Variants in AGBL3 observed in about 807,000 individuals in gnomAD.
AGBL3 encodes cytosolic carboxypeptidase 3.
Under a neutral mutation model 94.5 loss-of-function variants are expected in AGBL3, and 68 were observed. The observed-to-expected ratio is 0.72, with a 90% CI of 0.59 to 0.88. The LOEUF is 0.88. AGBL3 is among the 40% of genes least tolerant of loss of function. The pLI is 0.00. For synonymous variants in AGBL3, 354 were observed against 370.7 expected (o/e 0.95, Z 0.52); for missense variants, 934 against 1,103.8 (o/e 0.85, Z 2.18).
chr7:134,991,038 A>G (rs1237121170), intron 3 of AGBL3, among the ~76,000 whole-genome samples: 2 of 152,072 alleles, frequency 1.3e-5, no homozygotes, highest in Non-Finnish European at 1.5e-5. Context: ...AGCCTTTGCT[A>G]TGCTTATTTG....
intron 16 of AGBL3, among the ~76,000 whole-genome samples, chr7:135,131,443 T>C (rs1020183309): frequency 1.5e-5 from 2 of 130,296 alleles, no homozygotes; most frequent in African/African-American, 5.6e-5. Context: ...TTAGAAGAAA[T>C]AAAGGAAACA....
intron 4 of AGBL3, among the ~76,000 whole-genome samples, chr7:134,999,046 A>G (rs1811372239): frequency 6.6e-6 from 1 of 152,106 alleles, no homozygotes; most frequent in Non-Finnish European, 1.5e-5. Context: ...AAAAAGTTTC[A>G]ATTACCTTTT....
At chr7:135,076,703 T>C (rs78870198) in intron 13 of AGBL3, among the ~76,000 whole-genome samples, 1,759 of 152,272 alleles carry the variant, frequency 0.012, 30 homozygotes, top group African/African-American at 0.04. Flanking sequence ...TAAAAAGTAT[T>C]TGAGGAAGCT....
At chr7:135,062,914 G>T (rs1818966899) in intron 12 of AGBL3, among the ~76,000 whole-genome samples, 1 of 151,994 alleles carries the variant, frequency 6.6e-6, no homozygotes, top group South Asian at 2.1e-4. Flanking sequence ...TCAATTTTTT[G>T]TAAGAGTTTA....
rs568799672 is a variant in AGBL3, at chr7:135,073,325, C to G, written c.1909-3072C>G. Among the ~76,000 whole-genome samples the G allele has an allele frequency of 2.0e-5, 3 of 151,984 alleles. No homozygotes were observed. In the South Asian group the frequency reaches 6.2e-4, roughly 32 times the overall value. ...TACTAAAAATACAAAAAAAAATTAGCTGGGTGTGGTGGTGGGTGCCCGTAA... is the reference window on the plus strand; with the variant it reads ...TACTAAAAATACAAAAAAAAATTAGGTGGGTGTGGTGGTGGGTGCCCGTAA... On this transcript the variant is annotated intron_variant, in intron 12 of 16. Transcript: ENST00000436302.
intron 12 of AGBL3, among the ~76,000 whole-genome samples, chr7:135,069,402 C>T (rs1489332187): frequency 6.6e-6 from 1 of 152,186 alleles, no homozygotes; most frequent in Non-Finnish European, 1.5e-5. Context: ...AACTCTCCAC[C>T]CCAAATCAAC....
intron 15 of AGBL3, among the ~76,000 whole-genome samples, chr7:135,085,309 T>TCTGTTGATTGGTTC (rs1821250270): frequency 6.6e-6 from 1 of 152,190 alleles, no homozygotes; most frequent in African/African-American, 2.4e-5. Flanking sequence ...CTCTTGATTA[T>TCTGTTGATTGGTTC]CTGTTGATTG....
chr7:135,075,368 T>C (rs1820352401), intron 12 of AGBL3, among the ~76,000 whole-genome samples: 1 of 152,224 alleles, frequency 6.6e-6, no homozygotes. Context: ...GGCATACTTC[T>C]TGGAATACTT....
At chr7:135,128,914 A>G in intron 16 of AGBL3, 1 of 1,499,700 alleles carries the variant, frequency 6.7e-7, no homozygotes, top group Admixed American at 1.7e-5. Flanking sequence ...TTTAATAGTA[A>G]TTTGTTCCTG....
At chr7:135,074,050 T>TAA (rs34870410) in intron 12 of AGBL3, among the ~76,000 whole-genome samples, 145,344 of 152,160 alleles carry the variant, frequency 0.96, 69,739 homozygotes, top group East Asian at 1. Context: ...TGAAATTTGC[T>TAA]GAGAATGGGT....
chr7:135,072,444 G>A (rs1290516961), intron 12 of AGBL3, among the ~76,000 whole-genome samples: 1 of 152,088 alleles, frequency 6.6e-6, no homozygotes, highest in East Asian at 1.9e-4. Flanking sequence ...AAAACATGCT[G>A]CTATAAAGAC....
At position 134,989,694 on chromosome 7, in the gene AGBL3, T is replaced by C. The variant is rs1584734947; in HGVS notation, c.124+384T>C. 2.0e-5 allele frequency among the ~76,000 whole-genome samples: 3 copies of C among 152,240 alleles called. No homozygotes were observed. In the South Asian group the frequency reaches 6.2e-4, roughly 31 times the overall value. On this transcript the variant is annotated intron_variant, in intron 3 of 16. Coordinates refer to ENST00000436302, the MANE Select transcript of AGBL3 (RefSeq NM_178563.4). ...TCATTCATTTGCAACTGAACATGTG[T>C]GTGGACATCTTGATGTATACTTAAT...
intron 15 of AGBL3, among the ~76,000 whole-genome samples, chr7:135,102,759 C>T (rs1215183840): frequency 6.7e-6 from 1 of 148,324 alleles, no homozygotes; most frequent in Non-Finnish European, 1.5e-5. Context: ...TACACCATAG[C>T]AAAAAAAAAT....
chr7:135,055,848 A>C (rs1364456590), intron 11 of AGBL3, among the ~76,000 whole-genome samples: 1 of 151,978 alleles, frequency 6.6e-6, no homozygotes, highest in Non-Finnish European at 1.5e-5. Context: ...TTTTCCTTAA[A>C]TGTTTGGTAG....
At chr7:135,083,455 T>C (rs1821082742) in intron 15 of AGBL3, among the ~76,000 whole-genome samples, 1 of 152,188 alleles carries the variant, frequency 6.6e-6, no homozygotes, top group Non-Finnish European at 1.5e-5. Context: ...TAAAATAATT[T>C]CAAGAATAGT....
intron 16 of AGBL3, among the ~76,000 whole-genome samples, chr7:135,125,644 A>G (rs1296535617): frequency 2.0e-5 from 3 of 152,216 alleles, no homozygotes; most frequent in African/African-American, 7.2e-5. Flanking sequence ...GAAAATCCTC[A>G]ATAAAATACT....
intron 7 of AGBL3, among the ~76,000 whole-genome samples, chr7:135,037,144 C>T (rs1459574942): frequency 6.6e-6 from 1 of 152,042 alleles, no homozygotes; most frequent in Non-Finnish European, 1.5e-5. Flanking sequence ...GGTCTCGAAC[C>T]CCTGACCTCA....
At chr7:134,990,291 C>T (rs1352188464) in intron 3 of AGBL3, among the ~76,000 whole-genome samples, 1 of 152,174 alleles carries the variant, frequency 6.6e-6, no homozygotes, top group Non-Finnish European at 1.5e-5. Context: ...CTCCAGGCAA[C>T]CAGTGATTTG....
chr7:135,032,975 G>A lies in AGBL3; in HGVS notation c.550G>A (p.Val184Ile), dbSNP rs1356059257. Residue 184 changes from valine (V) to isoleucine (I), a missense_variant, in exon 6 of 17, where the codon GTC becomes ATC. Around this residue, in one of 3 missense-constraint regions of AGBL3, gnomAD observed 488 missense variants for 563.6 expected, o/e 0.87. Coordinates refer to ENST00000436302, the MANE Select transcript of AGBL3 (RefSeq NM_178563.4). ...TGAGAGTGGTAATCTACAGAAGGTA[G>A]TCAAAGTGTAGGTTCTAATTATTTT... The part of the protein sequence containing the change: ...RFESGNLQKV[V>I]KVAEYEYQLT... 3.9e-6 allele frequency: 6 copies of A among 1,547,428 alleles called. No individual in the cohort carries two copies. The highest frequency in any genetic ancestry group is 5.2e-6 in the Non-Finnish European group (6 of 1,145,178).
Sources: allele counts gnomAD v4.1 joint callset (sites outside exome capture counted in the v4.1 genomes callset), GRCh38; gene constraint gnomAD v4.1.1; regional missense constraint gnomAD v4.1.1; transcripts MANE v1.5; gene names NCBI Gene and HGNC (gene_info 2026-07-23, HGNC 2026-07-21).